ST8SIA6: variants seen among roughly 807,000 people sequenced by gnomAD.
ST8SIA6 encodes the protein ST8 alpha-N-acetyl-neuraminide alpha-2,8-sialyltransferase 6, also known as alpha-2,8-sialyltransferase 8F.
In ST8SIA6, 39 loss-of-function variants were observed where a neutral mutation model predicts 33.6. The ratio of observed to expected loss-of-function variants is 1.16; its 90% confidence interval spans 0.90 to 1.52. The LOEUF (loss-of-function observed/expected upper bound fraction) is 1.52. Ranked by LOEUF, ST8SIA6 falls within the 40% of genes most tolerant of loss-of-function variation. The probability of loss-of-function intolerance (pLI) is 0.00; values close to 1 mark genes in which losing one functional copy is unlikely to be tolerated. For missense variants in ST8SIA6, 441 were observed against 443.8 expected (o/e 0.99, Z 0.06); for synonymous variants, 172 against 167.2 (o/e 1.03, Z -0.22).
chr10:17,384,087 T>TG lies in ST8SIA6; in HGVS notation c.290+6443dup, dbSNP rs981355381. Among the ~76,000 whole-genome samples, 30 of 152,360 alleles carry TG rather than the reference T, an allele frequency of 2.0e-4. 1 individual carries two copies. The highest frequency in any genetic ancestry group is 6.0e-4 in the African/African-American group (25 of 41,596). On this transcript the variant is annotated intron_variant, in intron 3 of 7. Coordinates refer to ENST00000377602, the MANE Select transcript of ST8SIA6 (RefSeq NM_001004470.3). ...TATTTTACCAAGGCTTTGACTGGAA[T>TG]GATGTGCTTTCCTTTAAAGAATCAA...
intron 4 of ST8SIA6, among the ~76,000 whole-genome samples, chr10:17,339,619 CT>C (rs1156561054): frequency 6.6e-6 from 1 of 152,250 alleles, no homozygotes; most frequent in Non-Finnish European, 1.5e-5. Context: ...TTGGTGCCCC[CT>C]TTTTTTACTT....
intron 3 of ST8SIA6, among the ~76,000 whole-genome samples, chr10:17,374,790 C>T (rs940990281): frequency 7.2e-6 from 1 of 139,272 alleles, no homozygotes; most frequent in Non-Finnish European, 1.6e-5. Flanking sequence ...GCCCTCCCAA[C>T]TTGAAATTTT....
At chr10:17,338,329 G>A (rs974442922) in intron 4 of ST8SIA6, among the ~76,000 whole-genome samples, 2 of 152,166 alleles carry the variant, frequency 1.3e-5, no homozygotes, top group African/African-American at 2.4e-5. Context: ...CACCGTGCCC[G>A]GCTGTTATTC....
chr10:17,379,289 G>A (rs1442097128), intron 3 of ST8SIA6, among the ~76,000 whole-genome samples: 1 of 150,490 alleles, frequency 6.6e-6, no homozygotes. Context: ...GAGAGGGAAA[G>A]CTAGAGTGAA....
At chr10:17,321,724 A>G (rs1003642931) in intron 7 of ST8SIA6, among the ~76,000 whole-genome samples, 2 of 152,230 alleles carry the variant, frequency 1.3e-5, no homozygotes, top group Admixed American at 1.3e-4. Flanking sequence ...TATGCATATC[A>G]ATACATTTTA....
chr10:17,403,159 G>A (rs549994884), intron 2 of ST8SIA6, among the ~76,000 whole-genome samples: 22 of 152,312 alleles, frequency 1.4e-4, no homozygotes, highest in South Asian at 4.1e-4. Context: ...TGGCTCAGGC[G>A]TGAGTCCTTT....
intron 4 of ST8SIA6, among the ~76,000 whole-genome samples, chr10:17,340,349 G>A (rs191131956): frequency 0.013 from 2,046 of 151,740 alleles, 24 homozygotes; most frequent in Non-Finnish European, 0.022. Context: ...GTCACCCCTG[G>A]TCACCTGCTC....
chr10:17,371,997 C>T (rs1322707427), intron 3 of ST8SIA6, among the ~76,000 whole-genome samples: 1 of 152,090 alleles, frequency 6.6e-6, no homozygotes, highest in Non-Finnish European at 1.5e-5. Flanking sequence ...GAGTCTAATG[C>T]ACTCTCCAGG....
intron 2 of ST8SIA6, among the ~76,000 whole-genome samples, chr10:17,415,975 T>C (rs552378317): frequency 6.6e-6 from 1 of 151,876 alleles, no homozygotes; most frequent in South Asian, 2.1e-4. Context: ...GCTCAGCTAA[T>C]TTTTTTATTT....
At chr10:17,439,321 C>G (rs528274145) in intron 2 of ST8SIA6, among the ~76,000 whole-genome samples, 2 of 150,316 alleles carry the variant, frequency 1.3e-5, no homozygotes, top group Admixed American at 6.6e-5. Context: ...TCTCTGTCAC[C>G]CAGACTGGAG....
At position 17,452,483 on chromosome 10, in the gene ST8SIA6, T is replaced by A. The variant is rs567239091; in HGVS notation, c.200+1076A>T. Among the ~76,000 whole-genome samples, 373 of 152,316 alleles carry A rather than the reference T, an allele frequency of 2.4e-3. 1 individual carries two copies. Among genetic ancestry groups the A allele is most frequent in the African/African-American group, 8.3e-3 (345 of 41,578 alleles). On this transcript the variant is annotated intron_variant, in intron 2 of 7. Transcript: ENST00000377602. ...AATGCTAAGGCAGGAAGCAGTACATTCTGCTTGTGAAAATGTAAATTGATT... is the reference window on the plus strand; with the variant it reads ...AATGCTAAGGCAGGAAGCAGTACATACTGCTTGTGAAAATGTAAATTGATT...
chr10:17,439,394 C>G (rs1852392668), intron 2 of ST8SIA6, among the ~76,000 whole-genome samples: 1 of 151,768 alleles, frequency 6.6e-6, no homozygotes, highest in Non-Finnish European at 1.5e-5. Flanking sequence ...ATTCTTGTGC[C>G]TCAGCCTCCC....
At chr10:17,451,216 A>T (rs1299151002) in intron 2 of ST8SIA6, among the ~76,000 whole-genome samples, 1 of 152,232 alleles carries the variant, frequency 6.6e-6, no homozygotes, top group Non-Finnish European at 1.5e-5. Context: ...AATGTGGCAT[A>T]TATGTACCAC....
intron 6 of ST8SIA6, among the ~76,000 whole-genome samples, chr10:17,323,458 G>T (rs555342455): frequency 7.1e-6 from 1 of 141,080 alleles, no homozygotes; most frequent in African/African-American, 2.7e-5. Context: ...GTGTAGTGGT[G>T]CTCTGGGCTC....
In ST8SIA6 at chr10:17,414,386, G is replaced by C. The variant is rs78841039; in HGVS notation, c.201-23766C>G. ...ATCCCCACCTCCACACTCACTCTCT[G>C]CTGCTGATGACCTCACTTCATACTT... is the stretch of plus-strand genomic sequence containing the variant. On this transcript the variant is annotated intron_variant, in intron 2 of 7. Coordinates refer to ENST00000377602, the MANE Select transcript of ST8SIA6 (RefSeq NM_001004470.3). Among the ~76,000 whole-genome samples, 1,256 of 152,154 alleles carry C rather than the reference G, an allele frequency of 8.3e-3. 10 individuals are homozygous for C. The highest frequency in any genetic ancestry group is 0.023 in the South Asian group (111 of 4,810).
intron 2 of ST8SIA6, among the ~76,000 whole-genome samples, chr10:17,436,338 G>C (rs1485586457): frequency 6.6e-6 from 1 of 152,148 alleles, no homozygotes; most frequent in African/African-American, 2.4e-5. Flanking sequence ...TCTCATGCTA[G>C]TGAGTAAGTC....
At chr10:17,402,054 A>G (rs568758066) in intron 2 of ST8SIA6, among the ~76,000 whole-genome samples, 1 of 152,362 alleles carries the variant, frequency 6.6e-6, no homozygotes, top group South Asian at 2.1e-4. Flanking sequence ...GCTAATATCC[A>G]GAATCTACAA....
chr10:17,333,717 A>ATATATAGATATATATATATATTTTTTT (rs1251981910), intron 4 of ST8SIA6, among the ~76,000 whole-genome samples: 3 of 33,754 alleles, frequency 8.9e-5, no homozygotes, highest in African/African-American at 5.2e-4. Flanking sequence ...ATATATATAT[A>ATATATAGATATATATATATATTTTTTT]TTTTTTTTTT....
rs751309814 is a variant in ST8SIA6 at position 17,390,617 on chromosome 10, T to C, written c.204A>G (p.Thr68=). Residue 68 remains threonine, a synonymous_variant, in exon 3 of 8, where the codon ACA becomes ACG. Coordinates refer to ENST00000377602, the MANE Select transcript of ST8SIA6 (RefSeq NM_001004470.3). ...GTTGGAGCGACTTCTCATTCAGATATGTGCTGTTTCATGAAAGAGATTTTT... is the reference window on the plus strand; with the variant it reads ...GTTGGAGCGACTTCTCATTCAGATACGTGCTGTTTCATGAAAGAGATTTTT... ...ATAVPRATNS[T]YLNEKSLQLT... 26 of 1,609,256 alleles carry C rather than the reference T, an allele frequency of 1.6e-5. No individual in the cohort carries two copies. The highest frequency in any genetic ancestry group is 1.7e-4 in the Middle Eastern group (1 of 6,056).
Sources: gnomAD v4.1 joint callset for allele counts (sites outside exome capture counted in the v4.1 genomes callset) on GRCh38, gnomAD v4.1.1 for gene constraint, MANE v1.5 for transcripts, NCBI Gene and HGNC (gene_info 2026-07-23, HGNC 2026-07-21) for gene names.